NIPSNAP2: variants seen among roughly 807,000 people sequenced by gnomAD.
The protein encoded by NIPSNAP2 is nipsnap homolog 2, also known as protein NipSnap homolog 2.
Under a neutral mutation model 48.4 loss-of-function variants are expected in NIPSNAP2, and 42 were observed. The observed-to-expected ratio is 0.87, with a 90% confidence interval of 0.68 to 1.12. NIPSNAP2 has a LOEUF of 1.12. NIPSNAP2 is among the 50% of genes most tolerant of loss of function. The pLI, the probability that NIPSNAP2 is intolerant of heterozygous loss-of-function variation, is 0.00. For missense variants in NIPSNAP2, 314 were observed against 347.3 expected (o/e 0.90, Z 0.76); for synonymous variants, 158 against 126.6 (o/e 1.25, Z -1.67).
At chr7:55,991,268 A>C (rs1488690122) in intron 7 of NIPSNAP2, among the ~76,000 whole-genome samples, 2 of 152,190 alleles carry the variant, frequency 1.3e-5, no homozygotes, top group African/African-American at 2.4e-5. Context: ...AAAACTAAGA[A>C]ATACATATTT....
rs10267913 is a variant in NIPSNAP2 at position 55,968,350 on chromosome 7, C to T, written c.92+3649C>T. Among the ~76,000 whole-genome samples the T allele has an allele frequency of 8.8e-3, 1,330 of 150,812 alleles. 21 individuals carry two copies. Among genetic ancestry groups the T allele is most frequent in the African/African-American group, 0.031 (1,265 of 41,098 alleles). On this transcript the variant is annotated intron_variant, in intron 1 of 9. Transcript: ENST00000322090. ...TTGGAGGTACATGCTGAAGGATTTACGGGAGAAGTATCATTATGTCCAAAC... is the reference window on the plus strand; with the variant it reads ...TTGGAGGTACATGCTGAAGGATTTATGGGAGAAGTATCATTATGTCCAAAC...
intron 8 of NIPSNAP2, among the ~76,000 whole-genome samples, chr7:55,996,275 G>C (rs1470325882): frequency 7.2e-6 from 1 of 139,002 alleles, no homozygotes; most frequent in African/African-American, 2.6e-5. Context: ...AACAGAGCAA[G>C]ACTCCGTCTC....
At chr7:55,978,438 CTTTA>C (rs746283251) in intron 3 of NIPSNAP2, 43 bp downstream of exon 3, 2 of 1,525,880 alleles carry the variant, frequency 1.3e-6, no homozygotes, top group East Asian at 2.3e-5. Flanking sequence ...AAAATAATGA[CTTTA>C]TTTGTTAGTT....
chr7:55,992,322 C>T (rs1417194062), intron 7 of NIPSNAP2, among the ~76,000 whole-genome samples: 1 of 152,012 alleles, frequency 6.6e-6, no homozygotes, highest in Non-Finnish European at 1.5e-5. Flanking sequence ...ACAACAAAAA[C>T]ATAATAAAAA....
intron 9 of NIPSNAP2, among the ~76,000 whole-genome samples, chr7:55,998,494 T>G (rs1022523945): frequency 1.6e-4 from 8 of 48,776 alleles, no homozygotes; most frequent in Non-Finnish European, 3.9e-4. Context: ...GTAGGATCTG[T>G]TTTTTTTTTT....
rs1316196420 is a variant in NIPSNAP2 at position 55,983,804 on chromosome 7, T to C, written c.521T>C (p.Phe174Ser). 6.2e-7 allele frequency: 1 copy of C among 1,614,138 alleles called. No individual in the cohort carries two copies. The highest frequency in any genetic ancestry group is 1.1e-5 in the South Asian group (1 of 91,084). ...AATCAGCTCCTGTTGGAGTTCAGTT[T>C]CTGGAATGAGCCTGTGCCAAGATCC... is the stretch of plus-strand genomic sequence containing the variant. ...RKNQLLLEFS[F>S]WNEPVPRSGP... Residue 174 changes from phenylalanine to serine, a missense_variant, in exon 6 of 10, where the codon TTC becomes TCC. By Grantham distance (155) the Phe-to-Ser change is radical. Around this residue, in one of 2 missense-constraint regions of NIPSNAP2, gnomAD observed 116 missense variants for 161.8 expected, o/e 0.72. Coordinates refer to ENST00000322090, the MANE Select transcript of NIPSNAP2 (RefSeq NM_001483.3).
At chr7:55,972,284 G>T (rs904293899) in intron 1 of NIPSNAP2, among the ~76,000 whole-genome samples, 1 of 149,910 alleles carries the variant, frequency 6.7e-6, no homozygotes, top group Non-Finnish European at 1.5e-5. Context: ...CCTCCAGCCT[G>T]GGCAACAGAG....
intron 1 of NIPSNAP2, among the ~76,000 whole-genome samples, chr7:55,971,714 C>T (rs1230320847): frequency 6.6e-6 from 1 of 151,934 alleles, no homozygotes; most frequent in African/African-American, 2.4e-5. Flanking sequence ...AATAAATGCT[C>T]AGTTGGGGTG....
At chr7:55,983,602 T>C in intron 5 of NIPSNAP2, 126 bp from the exon 6 acceptor site, 1 of 790,390 alleles carries the variant, frequency 1.3e-6, no homozygotes. Flanking sequence ...AAACTGGGAC[T>C]GTCTCAGGCC....
Position 55,999,429 on chromosome 7 carries a change from AAAC to A in NIPSNAP2, c.*358_*360del, listed in dbSNP as rs1467856242. 5.6e-6 allele frequency: 1 copy of A among 178,410 alleles called. No homozygotes were observed. The highest frequency in any genetic ancestry group is 6.2e-5 in the Admixed American group (1 of 16,050). 11.1% of individuals were successfully genotyped at this position (178,410 alleles called of 1,614,324 possible). On this transcript the variant is annotated 3_prime_UTR_variant, in exon 10 of 10. Transcript: ENST00000322090. The stretch of plus-strand genomic sequence containing the variant: ...AATTTAGCCATTTCTTTACTAAAAA[AAAC>A]CAAAAAACAAATCTGTTTTATAATC...
intron 1 of NIPSNAP2, among the ~76,000 whole-genome samples, chr7:55,974,984 T>G (rs750069670): frequency 2.6e-4 from 39 of 152,146 alleles, no homozygotes; most frequent in Non-Finnish European, 5.9e-5. Flanking sequence ...TCTGGACATT[T>G]ATGCTGGCCC....
At chr7:55,968,959 A>G (rs1786956353) in intron 1 of NIPSNAP2, among the ~76,000 whole-genome samples, 1 of 151,830 alleles carries the variant, frequency 6.6e-6, no homozygotes, top group Non-Finnish European at 1.5e-5. Context: ...AAGCAAGGTA[A>G]TTGCTCGAGC....
At position 55,999,886 on chromosome 7, in the gene NIPSNAP2, C is replaced by T. The variant is rs1218289853; in HGVS notation, c.*814C>T. 1 of 152,610 alleles carries T rather than the reference C, an allele frequency of 6.6e-6. No individual in the cohort carries two copies. The highest frequency in any genetic ancestry group is 1.5e-5 in the Non-Finnish European group (1 of 68,040). 9.5% of individuals were successfully genotyped at this position (152,610 alleles called of 1,614,324 possible). A position where few individuals can be genotyped will look rare whatever the true frequency, so the allele number is the denominator to read the frequency against. On this transcript the variant is annotated 3_prime_UTR_variant, in exon 10 of 10. Transcript: ENST00000322090. ...ACTCTCTGGCTAATATTTTAATAAGCTCACAGCAGATAATTCTGAGATCAT... is the reference window on the plus strand; with the variant it reads ...ACTCTCTGGCTAATATTTTAATAAGTTCACAGCAGATAATTCTGAGATCAT...
Position 55,994,973 on chromosome 7 carries a change from G to A in NIPSNAP2, c.697G>A (p.Val233Met), listed in dbSNP as rs147411342. 1,246 of 1,613,892 alleles carry A rather than the reference G, an allele frequency of 7.7e-4. 1 individual carries two copies. The highest frequency in any genetic ancestry group is 9.4e-4 in the Non-Finnish European group (1,112 of 1,179,782). ...CTCTCAGATTGGGCAGCTGTACATG[G>A]TGCACCATCTTTGGGGTATCTGTTT... ...FFSQIGQLYMVHHLWAYRDLQ... is the reference protein window; with the variant it reads ...FFSQIGQLYMMHHLWAYRDLQ... The change falls in exon 8 of 10, where the codon GTG (valine) becomes ATG (methionine). Residue 233 changes from valine to methionine, a missense_variant. Coordinates refer to ENST00000322090, the MANE Select transcript of NIPSNAP2 (RefSeq NM_001483.3).
At chr7:55,981,272 TA>T in intron 3 of NIPSNAP2, 200 bp from the exon 4 acceptor site, 1 of 419,872 alleles carries the variant, frequency 2.4e-6, no homozygotes, top group Non-Finnish European at 4.3e-6. Flanking sequence ...ATCAGAAACC[TA>T]AGCTTCTGAT....
chr7:55,979,952 G>C, intron 3 of NIPSNAP2: 1 of 425,570 alleles, frequency 2.3e-6, no homozygotes, highest in South Asian at 1.6e-5. Flanking sequence ...ACAAATCCAT[G>C]CGTGACTTTG....
At chr7:55,975,943 G>A (rs977853881) in intron 1 of NIPSNAP2, among the ~76,000 whole-genome samples, 1 of 152,126 alleles carries the variant, frequency 6.6e-6, no homozygotes, top group African/African-American at 2.4e-5. Context: ...AGGCTGAGGC[G>A]GGAGAATCGC....
intron 7 of NIPSNAP2, among the ~76,000 whole-genome samples, chr7:55,990,988 G>T (rs575578545): frequency 2.0e-5 from 3 of 151,780 alleles, no homozygotes; most frequent in Admixed American, 6.6e-5. Flanking sequence ...ACAGAGTTTC[G>T]CCATGTTGGC....
intron 9 of NIPSNAP2, 136 bp from the exon 10 acceptor site, chr7:55,998,872 T>C (rs1787623108): frequency 1.3e-6 from 1 of 744,428 alleles, no homozygotes. Context: ...CCCTTGAGGT[T>C]AGTCCTGTAT....
Sources: allele counts gnomAD v4.1 joint callset (sites outside exome capture counted in the v4.1 genomes callset), GRCh38; gene constraint gnomAD v4.1.1; regional missense constraint gnomAD v4.1.1; transcripts MANE v1.5; gene names NCBI Gene and HGNC (gene_info 2026-07-23, HGNC 2026-07-21).